Variants in SNX8 observed in about 807,000 individuals in gnomAD.
SNX8 encodes sorting nexin-8.
SNX8 carries 25 observed loss-of-function variants against 51.6 expected under a neutral mutation model. The ratio of observed to expected loss-of-function variants is 0.48; its 90% confidence interval spans 0.35 to 0.68. The LOEUF (loss-of-function observed/expected upper bound fraction) is 0.68, where lower values mean the gene tolerates loss of function less well. SNX8 is among the 30% of genes least tolerant of loss of function. The pLI, the probability that SNX8 is intolerant of heterozygous loss-of-function variation, is 0.00. For missense variants in SNX8, 695 were observed against 624.0 expected, an observed-to-expected ratio of 1.11 and a Z score of -1.21; for synonymous variants, 324 against 277.0, an observed-to-expected ratio of 1.17 and a Z score of -1.68.
At chr7:2,352,409 CAG>C (rs572994947) in intron 1 of SNX8, among the ~76,000 whole-genome samples, 1 of 151,998 alleles carries the variant, frequency 6.6e-6, no homozygotes, top group Non-Finnish European at 1.5e-5. Context: ...GAAAATTTGA[CAG>C]AGAGAGACAC....
At chr7:2,337,049 T>C (rs1228910828) in intron 1 of SNX8, 1 of 150,870 alleles carries the variant, frequency 6.6e-6, no homozygotes, top group Non-Finnish European at 1.5e-5. Flanking sequence ...GGTTGCCTAT[T>C]GTGGAGGAGG....
At chr7:2,306,968 TC>T (rs2115197782) in intron 1 of SNX8, among the ~76,000 whole-genome samples, 1 of 130,828 alleles carries the variant, frequency 7.6e-6, no homozygotes, top group African/African-American at 2.4e-5. Context: ...CTACAGTACT[TC>T]CTGGGGTTAA....
intron 1 of SNX8, among the ~76,000 whole-genome samples, chr7:2,291,608 AAG>A (rs1008650057): frequency 2.0e-5 from 3 of 151,974 alleles, no homozygotes; most frequent in Non-Finnish European, 4.4e-5. Context: ...AAAAAGAAAA[AAG>A]AAAAAAAAAA....
chr7:2,279,700 C>T (rs1207730370), intron 1 of SNX8, among the ~76,000 whole-genome samples: 1 of 150,888 alleles, frequency 6.6e-6, no homozygotes, highest in Non-Finnish European at 1.5e-5. Flanking sequence ...CTGCAGTGAG[C>T]CATGATTGCA....
intron 1 of SNX8, among the ~76,000 whole-genome samples, chr7:2,336,514 C>A (rs533837659): frequency 7.2e-5 from 11 of 151,864 alleles, no homozygotes; most frequent in Non-Finnish European, 2.9e-5. Context: ...TGAAACCAGC[C>A]TGCCTAACGC....
At chr7:2,290,348 A>G in intron 1 of SNX8, among the ~76,000 whole-genome samples, 1 of 151,974 alleles carries the variant, frequency 6.6e-6, no homozygotes. Context: ...TAAAAATACA[A>G]ATAAAATTAG....
At chr7:2,343,601 G>A (rs1415567432) in intron 1 of SNX8, among the ~76,000 whole-genome samples, 1 of 152,048 alleles carries the variant, frequency 6.6e-6, no homozygotes, top group East Asian at 1.9e-4. Flanking sequence ...CGTAAACCCG[G>A]GAGGCGGAGC....
chr7:2,305,289 C>T (rs1796521225), intron 1 of SNX8, among the ~76,000 whole-genome samples: 1 of 152,176 alleles, frequency 6.6e-6, no homozygotes, highest in African/African-American at 2.4e-5. Flanking sequence ...GCATGAATAC[C>T]AAGGCAGTCA....
intron 3 of SNX8, among the ~76,000 whole-genome samples, chr7:2,272,440 T>C (rs1010571297): frequency 4.6e-5 from 7 of 151,604 alleles, no homozygotes; most frequent in Admixed American, 3.9e-4. Flanking sequence ...AGTGGCGCAA[T>C]CTCGGCTCAC....
chr7:2,276,892 C>T (rs989420972), intron 2 of SNX8, among the ~76,000 whole-genome samples: 2 of 151,998 alleles, frequency 1.3e-5, no homozygotes, highest in African/African-American at 2.4e-5. Context: ...CTGTAGTGAG[C>T]TATGATCGTG....
chr7:2,323,757 T>C (rs1778579732), intron 1 of SNX8, among the ~76,000 whole-genome samples: 1 of 152,174 alleles, frequency 6.6e-6, no homozygotes, highest in African/African-American at 2.4e-5. Flanking sequence ...CACCAAACAC[T>C]AACCACGCTA....
intron 1 of SNX8, among the ~76,000 whole-genome samples, chr7:2,283,552 T>G (rs1795956983): frequency 6.6e-6 from 1 of 152,218 alleles, no homozygotes; most frequent in Admixed American, 6.5e-5. Flanking sequence ...AGGGAGGACC[T>G]GAATGCGCAT....
At chr7:2,284,296 T>G (rs1007723779) in intron 1 of SNX8, among the ~76,000 whole-genome samples, 14 of 152,102 alleles carry the variant, frequency 9.2e-5, no homozygotes, top group African/African-American at 3.4e-4. Flanking sequence ...TTGAAAGCCC[T>G]TGTCATAGGG....
At chr7:2,273,677 G>A (rs562408615) in intron 3 of SNX8, among the ~76,000 whole-genome samples, 44 of 151,820 alleles carry the variant, frequency 2.9e-4, no homozygotes, top group African/African-American at 9.2e-4. Context: ...GCTGAGGTGC[G>A]CGGATCACGA....
intron 7 of SNX8, among the ~76,000 whole-genome samples, chr7:2,262,430 C>A (rs1322651494): frequency 6.6e-6 from 1 of 152,188 alleles, no homozygotes; most frequent in Admixed American, 6.5e-5. Flanking sequence ...CCAAATGACT[C>A]CAAGATCTTG....
chr7:2,348,783 TA>T (rs1779082375), intron 1 of SNX8, among the ~76,000 whole-genome samples: 1 of 150,418 alleles, frequency 6.6e-6, no homozygotes, highest in African/African-American at 2.4e-5. Flanking sequence ...CCATCTCCAC[TA>T]AAAATTAAAA....
Position 2,275,228 on chromosome 7 carries a change from C to T in SNX8, c.302G>A (p.Arg101His), listed in dbSNP as rs1256891192. Residue 101 changes from arginine (R) to histidine (H), a missense_variant and splice_region_variant, in exon 3 of 11, where the codon CGC (arginine) becomes CAC (histidine). Coordinates refer to ENST00000222990, the MANE Select transcript of SNX8 (RefSeq NM_013321.4). ...CCGTCTGTATACCGAGGACTTGAAG[C>T]GCTGCAAGAGAAGGGTCGGTGCTTA... ...KHVEYEVSSQ[R>H]FKSSVYRRYN... 2 of 1,607,206 alleles carry T rather than the reference C, an allele frequency of 1.2e-6. No homozygotes were observed. The highest frequency in any genetic ancestry group is 1.7e-6 in the Non-Finnish European group (2 of 1,173,848).
In SNX8 at chr7:2,255,161, C is replaced by T. The variant is rs1795147103; in HGVS notation, c.1293G>A (p.Lys431=). 6.5e-7 allele frequency: 1 copy of T among 1,544,042 alleles called. No individual in the cohort carries two copies. The highest frequency in any genetic ancestry group is 1.9e-5 in the Admixed American group (1 of 51,284). Residue 431 remains lysine, a synonymous_variant, in exon 11 of 11, where the codon AAG becomes AAA. Coordinates refer to ENST00000222990, the MANE Select transcript of SNX8 (RefSeq NM_013321.4). ...SQIQGHKEMS[K]VWNDLRPKLS... ...GCTTGGGCCTCAGGTCGTTCCACAC[C>T]TTGCTCATCTGAAAGGGAAGCGAAG...
chr7:2,267,960 C>T (rs1232071824), intron 5 of SNX8, among the ~76,000 whole-genome samples: 7 of 137,688 alleles, frequency 5.1e-5, no homozygotes, highest in South Asian at 4.8e-4. Context: ...GCCTCTGCCC[C>T]GCCGCCCCAT....
Sources: gnomAD v4.1 joint callset for allele counts (sites outside exome capture counted in the v4.1 genomes callset) on GRCh38, gnomAD v4.1.1 for gene constraint, MANE v1.5 for transcripts, NCBI Gene and HGNC (gene_info 2026-07-23, HGNC 2026-07-21) for gene names.